Variants in COL5A3 observed in about 807,000 individuals in gnomAD.
The protein encoded by COL5A3 is collagen alpha-3(V) chain.
Under a neutral mutation model 250.0 loss-of-function variants are expected in COL5A3, and 172 were observed. The observed-to-expected ratio is 0.69, with a 90% CI of 0.61 to 0.78. The LOEUF is 0.78. Ranked by LOEUF, COL5A3 falls within the 30% of genes least tolerant of loss-of-function variation. COL5A3 has a pLI of 0.00. For missense variants in COL5A3, 2,340 were observed against 2,334.4 expected (o/e 1.00, Z -0.05); for synonymous variants, 937 against 900.4 (o/e 1.04, Z -0.73).
chr19:9,985,493 C>T (rs552503604), intron 31 of COL5A3, among the ~76,000 whole-genome samples: 4 of 152,060 alleles, frequency 2.6e-5, no homozygotes, highest in African/African-American at 9.6e-5. Context: ...CTCCTGACCT[C>T]AAGTGATCCG....
In COL5A3 at chr19:10,005,687, A is replaced by C. The variant is rs1843259155; in HGVS notation, c.465T>G (p.Asp155Glu). The C allele has an allele frequency of 1.2e-6, 2 of 1,612,592 alleles. No homozygotes were observed. Among genetic ancestry groups the C allele is most frequent in the African/African-American group, 1.3e-5 (1 of 74,884 alleles). The change falls in exon 4 of 67, where the codon GAT (aspartate) becomes GAG (glutamate). Residue 155 changes from aspartate to glutamate, a missense_variant. Physicochemically the swap from Asp to Glu is conservative, Grantham distance 45. Transcript: ENST00000264828. ...GRWHRVAVSI[D>E]GEMVTLVADC... is the part of the protein sequence containing the mutation. ...CAGCTACCAGGGTCACCATCTCACCATCTATGCTGACGGCCACACGGTGCC... is the reference window on the plus strand; with the variant it reads ...CAGCTACCAGGGTCACCATCTCACCCTCTATGCTGACGGCCACACGGTGCC...
intron 41 of COL5A3, among the ~76,000 whole-genome samples, chr19:9,978,214 A>G (rs529451878): frequency 2.0e-4 from 31 of 152,132 alleles, no homozygotes; most frequent in Non-Finnish European, 4.1e-4. Flanking sequence ...GCTTCCCATC[A>G]TGGCTATTTT....
Position 9,992,925 on chromosome 19 carries a change from C to T in COL5A3, c.1795-45G>A, listed in dbSNP as rs1392075452. 5 of 1,608,006 alleles carry T rather than the reference C, an allele frequency of 3.1e-6. No individual in the cohort carries two copies. In the East Asian group the frequency reaches 6.7e-5, roughly 22 times the overall value. The stretch of plus-strand genomic sequence containing the variant: ...TTATTTCCACATCACCTCTGTGTGG[C>T]CATGTGAGCTCTAGGGGTCCTATGA... On this transcript the variant is annotated intron_variant, in intron 20 of 66. Transcript: ENST00000264828.
intron 10 of COL5A3, among the ~76,000 whole-genome samples, chr19:9,997,692 C>T (rs2087292949): frequency 6.6e-6 from 1 of 152,120 alleles, no homozygotes; most frequent in South Asian, 2.1e-4. Context: ...GCCTCCAACT[C>T]CTAGGCTCAA....
chr19:10,003,367 A>T (rs1422092024), intron 6 of COL5A3, among the ~76,000 whole-genome samples, 198 bp downstream of exon 6: 1 of 151,680 alleles, frequency 6.6e-6, no homozygotes. Context: ...CCCTGTTATC[A>T]GTCACCCTGA....
chr19:10,001,728 C>T (rs373103399), intron 7 of COL5A3, 40 bp downstream of exon 7: 6 of 1,612,578 alleles, frequency 3.7e-6, no homozygotes, highest in Non-Finnish European at 5.1e-6. Flanking sequence ...CTGCCACCCC[C>T]GTAACCCTTG....
chr19:9,990,962 C>T (rs942350364), intron 24 of COL5A3, among the ~76,000 whole-genome samples: 3 of 152,174 alleles, frequency 2.0e-5, no homozygotes, highest in African/African-American at 7.2e-5. Flanking sequence ...TGATGGCTCT[C>T]GCCTGTAATC....
At chr19:9,967,161 C>G (rs1165040506) in intron 62 of COL5A3, among the ~76,000 whole-genome samples, 186 bp downstream of exon 62, 2 of 152,170 alleles carry the variant, frequency 1.3e-5, no homozygotes, top group African/African-American at 2.4e-5. Flanking sequence ...CCCAAGTCCC[C>G]CCTCCCAGGC....
intron 45 of COL5A3, among the ~76,000 whole-genome samples, chr19:9,975,759 G>A (rs2086910158): frequency 6.6e-6 from 1 of 152,144 alleles, no homozygotes; most frequent in Non-Finnish European, 1.5e-5. Flanking sequence ...TGGTTGGGTT[G>A]GGATTGAATC....
chr19:9,986,706 C>T lies in COL5A3; in HGVS notation c.2190+8G>A. 1 of 1,613,938 alleles carries T rather than the reference C, an allele frequency of 6.2e-7. No individual in the cohort carries two copies. The highest frequency in any genetic ancestry group is 8.5e-7 in the Non-Finnish European group (1 of 1,179,976). The stretch of plus-strand genomic sequence containing the variant: ...CCCTCTCCTCTGATGAGTTCCTTCT[C>T]TCCTCACCTTCTCGCCTTTCTCCCC... On this transcript the variant is annotated splice_region_variant and intron_variant, in intron 28 of 66. Coordinates refer to ENST00000264828, the MANE Select transcript of COL5A3 (RefSeq NM_015719.4).
chr19:9,973,019 T>C lies in COL5A3; in HGVS notation c.3674A>G (p.Lys1225Arg). Residue 1225 changes from lysine to arginine, a missense_variant, in exon 51 of 67, where the codon AAG (lysine) becomes AGG (arginine). Coordinates refer to ENST00000264828, the MANE Select transcript of COL5A3 (RefSeq NM_015719.4). ...GTCCCCCTTTTCACCAATGTCTCCC[T>C]TGGGCCCCTTTACAGAAAGAGGTCA... The part of the protein sequence containing the change: ...PPGAPGIPGP[K>R]GDIGEKGDSG... 6.2e-7 allele frequency: 1 copy of C among 1,606,478 alleles called. No individual in the cohort carries two copies. Among genetic ancestry groups the C allele is most frequent in the Non-Finnish European group, 8.5e-7 (1 of 1,176,272 alleles).
At position 9,959,770 on chromosome 19, in the gene COL5A3, C is replaced by G. The variant is rs535271487; in HGVS notation, c.*641G>C. ...ACCATTAGGATCCTGATTCACCCCC[C>G]CAACATCTTGGTCCCCAAACCACCT... On this transcript the variant is annotated 3_prime_UTR_variant, in exon 67 of 67. Coordinates refer to ENST00000264828, the MANE Select transcript of COL5A3 (RefSeq NM_015719.4). 2 of 154,080 alleles carry G rather than the reference C, an allele frequency of 1.3e-5. No homozygotes were observed. The highest frequency in any genetic ancestry group is 2.4e-5 in the African/African-American group (1 of 41,524). 9.5% of individuals were successfully genotyped at this position (154,080 alleles called of 1,614,324 possible).
chr19:9,965,532 C>T (rs1309043823), intron 64 of COL5A3, among the ~76,000 whole-genome samples: 2 of 149,476 alleles, frequency 1.3e-5, no homozygotes, highest in African/African-American at 4.9e-5. Context: ...TGGCTCATTG[C>T]AACCTCCGTC....
intron 22 of COL5A3, 41 bp downstream of exon 22, chr19:9,991,963 G>C (rs552062334): frequency 6.3e-7 from 1 of 1,585,352 alleles, no homozygotes; most frequent in African/African-American, 1.3e-5. Flanking sequence ...CGGGGTCAGA[G>C]TGTCAGAAGG....
In COL5A3 at chr19:9,970,679, G is replaced by T. The variant is rs1341677968; in HGVS notation, c.3883-4C>A. 1.4e-6 allele frequency: 2 copies of T among 1,436,644 alleles called. No individual in the cohort carries two copies. The highest frequency in any genetic ancestry group is 2.7e-5 in the East Asian group (1 of 37,572). The allele number at this position is 1,436,644 out of a possible 1,614,324, so 89.0% of individuals were successfully genotyped here. ...CCCCAGAAGCTCCAGGCGGACCCTG[G>T]AGGAGACAAGGACACCAGCTGTGGT... On this transcript the variant is annotated splice_region_variant and splice_polypyrimidine_tract_variant and intron_variant, in intron 53 of 66. Coordinates refer to ENST00000264828, the MANE Select transcript of COL5A3 (RefSeq NM_015719.4).
In COL5A3 at chr19:9,960,410, C is replaced by T; in HGVS notation, c.*1G>A. On this transcript the variant is annotated 3_prime_UTR_variant, in exon 67 of 67. Transcript: ENST00000264828. Reference sequence around the variant, plus strand: ...CATGGTCCCTCCCACCCCGGACACTCTCAGCTGCTGAAGCAGACGGGGCCC... The same window carrying T: ...CATGGTCCCTCCCACCCCGGACACTTTCAGCTGCTGAAGCAGACGGGGCCC... The T allele has an allele frequency of 1.2e-6, 2 of 1,614,210 alleles. No individual in the cohort carries two copies. Among genetic ancestry groups the T allele is most frequent in the Non-Finnish European group, 8.5e-7 (1 of 1,180,040 alleles).
rs141609003 is a variant in COL5A3, at chr19:10,004,240, G to A, written c.595-95C>T. ...CCCCAGCAGTCCTGCCCACCTCCTG[G>A]CACCAGGGTGCAATGCTCCCCCACC... On this transcript the variant is annotated intron_variant, in intron 4 of 66. Transcript: ENST00000264828. 345 of 819,430 alleles carry A rather than the reference G, an allele frequency of 4.2e-4. No homozygotes were observed. The African/African-American group carries it at 5.1e-3, about 12-fold the overall frequency. The allele number at this position is 819,430 out of a possible 1,614,324, so 50.8% of individuals were successfully genotyped here. A position where few individuals can be genotyped will look rare whatever the true frequency, so the allele number is the denominator to read the frequency against.
At chr19:10,002,884 A>C (rs980582328) in intron 6 of COL5A3, among the ~76,000 whole-genome samples, 5 of 151,982 alleles carry the variant, frequency 3.3e-5, no homozygotes, top group African/African-American at 9.7e-5. Flanking sequence ...TTGTGGCCCC[A>C]ATGAGTGACC....
chr19:9,991,646 G>A lies in COL5A3; in HGVS notation c.1956C>T (p.Pro652=), dbSNP rs373977324. The A allele has an allele frequency of 1.9e-5, 31 of 1,609,636 alleles. No individual in the cohort carries two copies. Among genetic ancestry groups the A allele is most frequent in the Middle Eastern group, 1.6e-4 (1 of 6,076 alleles). Reference sequence around the variant, plus strand: ...GAGTGCCAATGAGTCCCTGGGGACCGGGGAGTCCCTGGAGACAGAAAAAGA... The same window carrying A: ...GAGTGCCAATGAGTCCCTGGGGACCAGGGAGTCCCTGGAGACAGAAAAAGA... The part of the protein sequence containing the change: ...QQGNHGSQGL[P]GPQGLIGTPG... Residue 652 remains proline, a synonymous_variant, in exon 24 of 67, where the codon CCC becomes CCT. Transcript: ENST00000264828.
Sources: allele counts gnomAD v4.1 joint callset (sites outside exome capture counted in the v4.1 genomes callset), GRCh38; gene constraint gnomAD v4.1.1; transcripts MANE v1.5; gene names NCBI Gene and HGNC (gene_info 2026-07-23, HGNC 2026-07-21).